PIH1D2: variants seen among roughly 807,000 people sequenced by gnomAD.
The protein encoded by PIH1D2 is PIH1 domain-containing protein 2.
Under a neutral mutation model 31.2 loss-of-function variants are expected in PIH1D2, and 25 were observed. That is an observed-to-expected ratio of 0.80 (90% confidence interval 0.58 to 1.12). The LOEUF is 1.12. PIH1D2 is among the 50% of genes most tolerant of loss of function. The pLI is 0.00. For missense variants in PIH1D2, 310 were observed against 356.6 expected (o/e 0.87, Z 1.05); for synonymous variants, 116 against 119.9 (o/e 0.97, Z 0.21).
In PIH1D2 at chr11:112,071,025, A is replaced by G. The variant is rs1314366176; in HGVS notation, c.547+13T>C. The stretch of plus-strand genomic sequence containing the variant: ...AAAGCAGTTTAATTTTCCATTTACA[A>G]TCATCAACTTACCCCTTCTCATTTT... On this transcript the variant is annotated intron_variant, in intron 4 of 5. Transcript: ENST00000280350. 1 of 1,607,306 alleles carries G rather than the reference A, an allele frequency of 6.2e-7. No homozygotes were observed. The highest frequency in any genetic ancestry group is 8.5e-7 in the Non-Finnish European group (1 of 1,177,772).
At chr11:112,062,427 G>GTC (rs1555183362), downstream of PIH1D2, 1 of 1,612,610 alleles carries the variant, frequency 6.2e-7, no homozygotes, top group Non-Finnish European at 8.5e-7. Context: ...CTAGCATGAT[G>GTC]TCTGTTACAC....
chr11:112,065,265 C>A (rs782508655), downstream of PIH1D2, among the ~76,000 whole-genome samples: 4 of 152,218 alleles, frequency 2.6e-5, no homozygotes, highest in East Asian at 7.7e-4. Flanking sequence ...GAAGATAGAG[C>A]TGTTTTTATT....
Position 112,071,039 on chromosome 11 carries a change from C to A in PIH1D2, c.546G>T (p.Arg182Ser). The A allele has an allele frequency of 1.2e-6, 2 of 1,611,634 alleles. No individual in the cohort carries two copies. The highest frequency in any genetic ancestry group is 1.7e-6 in the Non-Finnish European group (2 of 1,179,352). Residue 182 changes from arginine to serine, a missense_variant and splice_region_variant, in exon 4 of 6, where the codon AGG (arginine) becomes AGT (serine). Arg to Ser is a moderately radical substitution (Grantham distance 110). Transcript: ENST00000280350. ...DSIDLREKMR[R>S]ELTLGQIRSS... ...TTCCATTTACAATCATCAACTTACC[C>A]CTTCTCATTTTTTCTCTTAAATCTA...
At chr11:112,055,908 G>T in the PIH1D2 span, among the ~76,000 whole-genome samples, 3 of 85,342 alleles carry the variant, frequency 3.5e-5, no homozygotes, top group South Asian at 4.2e-4. Context: ...TCGCTCTTTT[G>T]CCAGGCTGGA....
downstream of PIH1D2, among the ~76,000 whole-genome samples, chr11:112,060,446 C>T (rs1482207071): frequency 6.6e-6 from 1 of 151,938 alleles, no homozygotes; most frequent in Non-Finnish European, 1.5e-5. Flanking sequence ...AGGCATGAGC[C>T]ACCACGCCCA....
chr11:112,060,519 A>G (rs1245125639), downstream of PIH1D2, among the ~76,000 whole-genome samples: 2 of 152,004 alleles, frequency 1.3e-5, no homozygotes, highest in Non-Finnish European at 2.9e-5. Flanking sequence ...CAATGGTGCA[A>G]TCTTGGCTCA....
intron 5 of PIH1D2, chr11:112,069,678 G>T (rs1555184287): frequency 1.3e-5 from 2 of 152,128 alleles, no homozygotes; most frequent in East Asian, 3.9e-4. Flanking sequence ...ATGGAACTGG[G>T]GAGCTAGGTA....
chr11:112,052,854 G>A, the PIH1D2 span, among the ~76,000 whole-genome samples: 6 of 151,738 alleles, frequency 4.0e-5, no homozygotes, highest in Non-Finnish European at 8.8e-5. Context: ...GCGCCATCCC[G>A]AGGTTACTTA....
Position 112,073,008 on chromosome 11 carries a change from G to A in PIH1D2, c.167C>T (p.Thr56Ile). 1 of 1,610,446 alleles carries A rather than the reference G, an allele frequency of 6.2e-7. No homozygotes were observed. Among genetic ancestry groups the A allele is most frequent in the Non-Finnish European group, 8.5e-7 (1 of 1,177,886 alleles). Residue 56 changes from threonine (T) to isoleucine (I), a missense_variant, in exon 2 of 6, where the codon ACC (threonine) becomes ATC (isoleucine). Coordinates refer to ENST00000280350, the MANE Select transcript of PIH1D2 (RefSeq NM_138789.4). ...ACCAACTCGACATACCAGAATCCTGGTCTGTAGACAAAGCTGTGGTTCTGG... is the reference window on the plus strand; with the variant it reads ...ACCAACTCGACATACCAGAATCCTGATCTGTAGACAAAGCTGTGGTTCTGG... ...AAPEPQLCLQ[T>I]RILKPKEKIL... is the part of the protein sequence containing the mutation.
At chr11:112,064,376 A>C (rs999275952), downstream of PIH1D2, 27 of 611,546 alleles carry the variant, frequency 4.4e-5, no homozygotes, top group Non-Finnish European at 6.1e-5. Flanking sequence ...TAAAAATTAA[A>C]GTATAAATCT....
At chr11:112,054,626 C>T in the PIH1D2 span, among the ~76,000 whole-genome samples, 1 of 152,174 alleles carries the variant, frequency 6.6e-6, no homozygotes, top group Non-Finnish European at 1.5e-5. Flanking sequence ...TTTCCTTGGT[C>T]ATTCTTCATT....
chr11:112,068,894 ATTAC>A (rs1247012609), intron 5 of PIH1D2, among the ~76,000 whole-genome samples: 1 of 151,974 alleles, frequency 6.6e-6, no homozygotes, highest in Non-Finnish European at 1.5e-5. Context: ...AAATTGAGAA[ATTAC>A]TTTTATCAAC....
chr11:112,052,996 A>G, the PIH1D2 span, among the ~76,000 whole-genome samples: 1 of 152,158 alleles, frequency 6.6e-6, no homozygotes, highest in Non-Finnish European at 1.5e-5. Context: ...ACATGGGGAC[A>G]AAGACCAAGT....
chr11:112,061,790 G>T (rs1566642961), downstream of PIH1D2, among the ~76,000 whole-genome samples: 1 of 152,122 alleles, frequency 6.6e-6, no homozygotes. Flanking sequence ...TCACCATGTA[G>T]GCCAGGCTGG....
chr11:112,058,770 A>G (rs1178214301), downstream of PIH1D2, among the ~76,000 whole-genome samples: 3 of 152,038 alleles, frequency 2.0e-5, no homozygotes, highest in Admixed American at 1.3e-4. Flanking sequence ...TTGTAGTTGT[A>G]TATATCTCAA....
At chr11:112,055,547 G>A in the PIH1D2 span, among the ~76,000 whole-genome samples, 7 of 151,684 alleles carry the variant, frequency 4.6e-5, no homozygotes, top group African/African-American at 1.7e-4. Flanking sequence ...CCCGGCCAAG[G>A]CCTATATTCA....
rs148760956 is a variant in PIH1D2, at chr11:112,072,549, CAAAAAAAAAAAAAA to C, written c.177+435_177+448del. 1.5e-3 allele frequency among the ~76,000 whole-genome samples: 55 copies of C among 36,360 alleles called. 2 individuals carry two copies. In the East Asian group the frequency reaches 0.04, roughly 27 times the overall value. The allele number at this position is 36,360 out of a possible 152,430, so 23.9% of individuals were successfully genotyped here. A position where few individuals can be genotyped will look rare whatever the true frequency, so the allele number is the denominator to read the frequency against. ...CGACAGAGCCAGCAAGACCCTATCT[CAAAAAAAAAAAAAA>C]AAAAAAAAAAAAAAAGTCTGCCAGG... On this transcript the variant is annotated intron_variant, in intron 2 of 5. Transcript: ENST00000280350.
Position 112,073,033 on chromosome 11 carries a change from G to A in PIH1D2, c.142C>T (p.Pro48Ser), listed in dbSNP as rs781913390. Residue 48 changes from proline to serine, a missense_variant, in exon 2 of 6, where the codon CCA (proline) becomes TCA (serine). By Grantham distance (74) the Pro-to-Ser change is moderately conservative. Transcript: ENST00000280350. The stretch of plus-strand genomic sequence containing the variant: ...GTCTGTAGACAAAGCTGTGGTTCTG[G>A]GGCAGCACAGAGCTGTTTCCCTTCT... ...LKEGKQLCAA[P>S]EPQLCLQTRI... 7 of 1,613,898 alleles carry A rather than the reference G, an allele frequency of 4.3e-6. No homozygotes were observed. The highest frequency in any genetic ancestry group is 1.7e-5 in the Admixed American group (1 of 60,004).
rs587699735 is a variant in PIH1D2, at chr11:112,067,903, A to G, written c.916T>C (p.Ser306Pro). Reference protein sequence around the residue: ...MTTAKFIKEKSTLIITMPLV With the variant: ...MTTAKFIKEKPTLIITMPLV ...AAAGGCATTGTGATGATTAGCGTGGATTTTTCTTTGATAAATTTTGCTGTG... is the reference window on the plus strand; with the variant it reads ...AAAGGCATTGTGATGATTAGCGTGGGTTTTTCTTTGATAAATTTTGCTGTG... The change falls in exon 6 of 6, where the codon TCC becomes CCC. Residue 306 changes from serine (S) to proline (P), a missense_variant. Transcript: ENST00000280350. 2.5e-6 allele frequency: 4 copies of G among 1,612,088 alleles called. No individual in the cohort carries two copies. In the African/African-American group the frequency reaches 5.4e-5, roughly 22 times the overall value.
Sources: gnomAD v4.1 joint callset for allele counts (sites outside exome capture counted in the v4.1 genomes callset) on GRCh38, gnomAD v4.1.1 for gene constraint, MANE v1.5 for transcripts, NCBI Gene and HGNC (gene_info 2026-07-23, HGNC 2026-07-21) for gene names.